Variants in XKR4 observed in about 807,000 individuals in gnomAD.
XKR4 encodes the protein XK-related protein 4.
In XKR4, 12 loss-of-function variants were observed where a neutral mutation model predicts 53.9. The ratio of observed to expected loss-of-function variants is 0.22; its 90% CI spans 0.14 to 0.36. XKR4 has a LOEUF of 0.36. Among genes scored for constraint, XKR4 ranks in the 10% least tolerant of loss-of-function variants. The probability of loss-of-function intolerance (pLI) is 1.00; values close to 1 mark genes in which losing one functional copy is unlikely to be tolerated. For missense variants in XKR4, 799 were observed against 859.5 expected (o/e 0.93, Z 0.88); for synonymous variants, 354 against 362.4 (o/e 0.98, Z 0.26).
At chr8:55,193,448 T>A (rs1362713557) in intron 1 of XKR4, among the ~76,000 whole-genome samples, 8 of 152,116 alleles carry the variant, frequency 5.3e-5, no homozygotes, top group Admixed American at 4.6e-4. Flanking sequence ...CTCCCTGCCC[T>A]GACCTCTCTC....
chr8:55,201,926 G>C (rs989232839), intron 1 of XKR4, among the ~76,000 whole-genome samples: 65 of 152,270 alleles, frequency 4.3e-4, no homozygotes, highest in African/African-American at 1.4e-3. Flanking sequence ...TATTAAATCA[G>C]GTGTCCTCTA....
At chr8:55,316,151 A>G (rs1819471299) in intron 1 of XKR4, among the ~76,000 whole-genome samples, 2 of 150,896 alleles carry the variant, frequency 1.3e-5, no homozygotes, top group African/African-American at 5.0e-5. Flanking sequence ...CTCCAAAGTA[A>G]CAGTGACAGC....
At chr8:55,382,162 T>C (rs1243639123) in intron 2 of XKR4, among the ~76,000 whole-genome samples, 3 of 152,252 alleles carry the variant, frequency 2.0e-5, no homozygotes, top group African/African-American at 7.2e-5. Context: ...AAACAATAAT[T>C]ATTTTTCTGA....
At chr8:55,444,950 A>G (rs538741081) in intron 2 of XKR4, among the ~76,000 whole-genome samples, 14 of 152,352 alleles carry the variant, frequency 9.2e-5, no homozygotes, top group Non-Finnish European at 1.9e-4. Context: ...TGATTGTAAA[A>G]AGGAAAAATA....
intron 1 of XKR4, among the ~76,000 whole-genome samples, chr8:55,271,717 T>C (rs193091599): frequency 1.3e-5 from 2 of 152,342 alleles, no homozygotes; most frequent in Admixed American, 1.3e-4. Context: ...GGGTGTGTAT[T>C]TGGCTTTCTT....
At position 55,142,775 on chromosome 8, in the gene XKR4, C is replaced by G. The variant is rs73596968; in HGVS notation, c.806+39481C>G. 9.0e-3 allele frequency among the ~76,000 whole-genome samples: 1,363 copies of G among 152,266 alleles called. 23 individuals are homozygous for G. Among genetic ancestry groups the G allele is most frequent in the African/African-American group, 0.03 (1,227 of 41,548 alleles). ...GCTGTCATTGTTGCTGTTTAGTAAG[C>G]TTTTATTGCATGTATGCGTGATGTG... On this transcript the variant is annotated intron_variant, in intron 1 of 2. Transcript: ENST00000327381.
chr8:55,102,791 C>G lies in XKR4; in HGVS notation c.303C>G (p.Gly101=). 1 of 1,596,140 alleles carries G rather than the reference C, an allele frequency of 6.3e-7. No individual in the cohort carries two copies. The highest frequency in any genetic ancestry group is 1.1e-5 in the South Asian group (1 of 89,882). The change falls in exon 1 of 3, where the codon GGC becomes GGG. Residue 101 remains glycine (G), a synonymous_variant. Coordinates refer to ENST00000327381, the MANE Select transcript of XKR4 (RefSeq NM_052898.2). The surrounding 1 kb of genome is among the most constrained non-coding windows in gnomAD (Gnocchi z 5.1). ...AGSAALCLRL[G]REQRRYSLWD... ...CGGCTGCGCTGTGCCTGCGCCTGGG[C>G]AGGGAGCAGCGGCGCTACTCACTGT...
chr8:55,483,128 A>G (rs992727792), intron 2 of XKR4, among the ~76,000 whole-genome samples: 7 of 151,832 alleles, frequency 4.6e-5, no homozygotes, highest in South Asian at 4.1e-4. Context: ...ATTGTTTGGG[A>G]AAAAAATGGG....
chr8:55,477,071 A>G (rs1779145981), intron 2 of XKR4, among the ~76,000 whole-genome samples: 2 of 150,810 alleles, frequency 1.3e-5, no homozygotes, highest in Admixed American at 6.6e-5. Context: ...GCAGCTTGAG[A>G]TCTGAGAATG....
intron 2 of XKR4, chr8:55,452,933 C>T: frequency 1.3e-6 from 1 of 788,882 alleles, no homozygotes; most frequent in Non-Finnish European, 2.3e-6. Context: ...CTGTGCTCTC[C>T]TCCTTCTGCA....
chr8:55,390,400 C>G (rs910105698), intron 2 of XKR4, among the ~76,000 whole-genome samples: 2 of 152,324 alleles, frequency 1.3e-5, no homozygotes, highest in South Asian at 4.1e-4. Flanking sequence ...TTAGAAGACT[C>G]TGAAAAGGGT....
rs1269838666 is a variant in XKR4 at position 55,514,494 on chromosome 8, T to C, written c.1007-8787T>C. Among the ~76,000 whole-genome samples the C allele has an allele frequency of 2.6e-5, 4 of 152,166 alleles. No individual in the cohort carries two copies. In the South Asian group the frequency reaches 8.3e-4, roughly 32 times the overall value. ...CTGGTCTCGAACTCCTGACCTCAAGTGATCCGCCCGCCTCGGCCTCCCAAA... is the reference window on the plus strand; with the variant it reads ...CTGGTCTCGAACTCCTGACCTCAAGCGATCCGCCCGCCTCGGCCTCCCAAA... On this transcript the variant is annotated intron_variant, in intron 2 of 2. Transcript: ENST00000327381.
intron 2 of XKR4, among the ~76,000 whole-genome samples, chr8:55,364,370 G>A (rs1803942412): frequency 6.6e-6 from 1 of 152,260 alleles, no homozygotes; most frequent in East Asian, 1.9e-4. Context: ...TCATCATCGC[G>A]AGACTCCTAC....
chr8:55,271,274 G>A (rs1314965121), intron 1 of XKR4, among the ~76,000 whole-genome samples: 3 of 152,030 alleles, frequency 2.0e-5, no homozygotes, highest in Non-Finnish European at 4.4e-5. Context: ...ATACCTTAAA[G>A]TGAATCATTA....
intron 1 of XKR4, among the ~76,000 whole-genome samples, chr8:55,350,365 T>A (rs992176000): frequency 1.3e-5 from 2 of 152,148 alleles, no homozygotes; most frequent in Admixed American, 1.3e-4. Flanking sequence ...ATCTAGAATA[T>A]TTTCCTGTGT....
At chr8:55,510,972 G>A (rs1304453533) in intron 2 of XKR4, among the ~76,000 whole-genome samples, 1 of 152,220 alleles carries the variant, frequency 6.6e-6, no homozygotes, top group African/African-American at 2.4e-5. Context: ...AGCAGAGAAT[G>A]CTACCCATCC....
chr8:55,505,393 T>C (rs912716185), intron 2 of XKR4, among the ~76,000 whole-genome samples: 2 of 151,966 alleles, frequency 1.3e-5, no homozygotes, highest in Admixed American at 6.6e-5. Flanking sequence ...TAAAATAAAA[T>C]AAAATAAAAT....
At chr8:55,367,997 G>A (rs1804017517) in intron 2 of XKR4, among the ~76,000 whole-genome samples, 1 of 152,030 alleles carries the variant, frequency 6.6e-6, no homozygotes, top group Non-Finnish European at 1.5e-5. Context: ...GTCTCACTTT[G>A]TCACCCAGGC....
At chr8:55,428,119 A>T (rs1313053943) in intron 2 of XKR4, among the ~76,000 whole-genome samples, 1 of 152,224 alleles carries the variant, frequency 6.6e-6, no homozygotes, top group African/African-American at 2.4e-5. Flanking sequence ...ATCCAGGAAG[A>T]TGTAGTATAC....
Sources: allele counts gnomAD v4.1 joint callset (sites outside exome capture counted in the v4.1 genomes callset), GRCh38; gene constraint gnomAD v4.1.1; non-coding constraint Gnocchi (gnomAD v3.1); transcripts MANE v1.5; gene names NCBI Gene and HGNC (gene_info 2026-07-23, HGNC 2026-07-21).